Variants in PPP1R14C observed in about 807,000 individuals in gnomAD.
PPP1R14C encodes protein phosphatase 1 regulatory subunit 14C.
A neutral mutation model predicts 20.4 loss-of-function variants in PPP1R14C; 16 were observed. The ratio of observed to expected loss-of-function variants is 0.78; its 90% confidence interval spans 0.53 to 1.19. The LOEUF is 1.19. Ranked by LOEUF, PPP1R14C falls within the 50% of genes most tolerant of loss-of-function variation. PPP1R14C has a pLI of 0.00. For missense variants in PPP1R14C, 211 were observed against 220.1 expected (o/e 0.96, Z 0.26); for synonymous variants, 91 against 91.0 (o/e 1.00, Z 0.00).
intron 1 of PPP1R14C, among the ~76,000 whole-genome samples, chr6:150,150,384 C>T (rs923439863): frequency 6.6e-6 from 1 of 152,088 alleles, no homozygotes; most frequent in Non-Finnish European, 1.5e-5. Context: ...ACTGTCTTTT[C>T]CTTTGCTCCT....
intron 1 of PPP1R14C, among the ~76,000 whole-genome samples, chr6:150,209,475 G>T (rs1289443051): frequency 6.6e-6 from 1 of 152,124 alleles, no homozygotes; most frequent in Non-Finnish European, 1.5e-5. Flanking sequence ...TGAGTGGTGT[G>T]GAATGGGTGT....
chr6:150,183,322 G>A lies in PPP1R14C; in HGVS notation c.307-31422G>A, dbSNP rs189863515. Among the ~76,000 whole-genome samples, 17 of 152,050 alleles carry A rather than the reference G, an allele frequency of 1.1e-4. No homozygotes were observed. The South Asian group carries it at 3.1e-3, about 28-fold the overall frequency. On this transcript the variant is annotated intron_variant, in intron 1 of 3. Coordinates refer to ENST00000361131, the MANE Select transcript of PPP1R14C (RefSeq NM_030949.3). ...AGAGGAAATGAGTTGGTCAAAACGG[G>A]TATGTAAATTCAACTTTATTGCTCC...
At chr6:150,149,464 T>C (rs1425931043) in intron 1 of PPP1R14C, among the ~76,000 whole-genome samples, 1 of 127,222 alleles carries the variant, frequency 7.9e-6, no homozygotes, top group African/African-American at 3.0e-5. Flanking sequence ...TCTTTTTTTT[T>C]TTTTTTTTTT....
At chr6:150,170,617 C>G (rs1288110219) in intron 1 of PPP1R14C, among the ~76,000 whole-genome samples, 4 of 152,092 alleles carry the variant, frequency 2.6e-5, no homozygotes, top group Admixed American at 2.6e-4. Flanking sequence ...CCACTGCGCC[C>G]GGCTGCTAGT....
chr6:150,160,416 C>A lies in PPP1R14C; in HGVS notation c.306+16918C>A, dbSNP rs972371003. On this transcript the variant is annotated intron_variant, in intron 1 of 3. Coordinates refer to ENST00000361131, the MANE Select transcript of PPP1R14C (RefSeq NM_030949.3). Reference sequence around the variant, plus strand: ...AGTAGCTGGGACTGCAGGTGCCGACCACCACACCCAGCTAATTTTTTTTTT... The same window carrying A: ...AGTAGCTGGGACTGCAGGTGCCGACAACCACACCCAGCTAATTTTTTTTTT... Among the ~76,000 whole-genome samples, 7 of 147,008 alleles carry A rather than the reference C, an allele frequency of 4.8e-5. No individual in the cohort carries two copies. In the East Asian group the frequency reaches 1.0e-3, roughly 22 times the overall value.
At chr6:150,154,934 T>A (rs1165809303) in intron 1 of PPP1R14C, among the ~76,000 whole-genome samples, 1 of 152,214 alleles carries the variant, frequency 6.6e-6, no homozygotes, top group Non-Finnish European at 1.5e-5. Context: ...TTTTAAGAAA[T>A]GGCATGTTTG....
rs6927838 is a variant in PPP1R14C, at chr6:150,221,852, G to A, written c.423+4996G>A. On this transcript the variant is annotated intron_variant, in intron 3 of 3. Coordinates refer to ENST00000361131, the MANE Select transcript of PPP1R14C (RefSeq NM_030949.3). The stretch of plus-strand genomic sequence containing the variant: ...CTCACTGTGTTGCCCAGGCTGCAGC[G>A]TGGTGGCACAATCTTAGCTCACTGC... 7.2e-3 allele frequency among the ~76,000 whole-genome samples: 1,091 copies of A among 152,128 alleles called. 9 individuals carry two copies. Among genetic ancestry groups the A allele is most frequent in the African/African-American group, 0.025 (1,054 of 41,478 alleles).
intron 3 of PPP1R14C, among the ~76,000 whole-genome samples, chr6:150,218,283 G>A (rs1293228096): frequency 1.3e-5 from 2 of 151,924 alleles, no homozygotes; most frequent in South Asian, 2.1e-4. Context: ...GGTGCCTGTA[G>A]TCCTAGCTAC....
Position 150,185,329 on chromosome 6 carries a change from A to G in PPP1R14C, c.307-29415A>G, listed in dbSNP as rs1005609864. On this transcript the variant is annotated intron_variant, in intron 1 of 3. Coordinates refer to ENST00000361131, the MANE Select transcript of PPP1R14C (RefSeq NM_030949.3). This position sits in a 1 kb window ranked among gnomAD's most constrained non-coding sequence, Gnocchi z 4.1. ...GTCAGCCTGACACCGACCATGTCTC[A>G]TGAAAGTCACACAGACCTGCAAGGC... Among the ~76,000 whole-genome samples, 12 of 152,194 alleles carry G rather than the reference A, an allele frequency of 7.9e-5. No homozygotes were observed. Among genetic ancestry groups the G allele is most frequent in the African/African-American group, 2.4e-4 (10 of 41,456 alleles).
chr6:150,232,966 G>C (rs565751737), intron 3 of PPP1R14C, among the ~76,000 whole-genome samples: 7 of 152,320 alleles, frequency 4.6e-5, no homozygotes, highest in African/African-American at 1.7e-4. Context: ...GTAACTTCCT[G>C]AAGGGCAGGG....
intron 3 of PPP1R14C, among the ~76,000 whole-genome samples, chr6:150,221,325 G>C (rs901472818): frequency 3.3e-5 from 5 of 152,196 alleles, no homozygotes; most frequent in Non-Finnish European, 4.4e-5. Flanking sequence ...CTCAACCCGA[G>C]TTTCTGACAC....
intron 3 of PPP1R14C, among the ~76,000 whole-genome samples, chr6:150,227,049 G>A (rs899996267): frequency 6.6e-6 from 1 of 152,156 alleles, no homozygotes; most frequent in African/African-American, 2.4e-5. Flanking sequence ...GACTAGCTTT[G>A]GTGATGGCCA....
intron 3 of PPP1R14C, among the ~76,000 whole-genome samples, chr6:150,224,989 G>A (rs112458710): frequency 1.6e-4 from 25 of 151,938 alleles, no homozygotes; most frequent in African/African-American, 5.1e-4. Context: ...AGTGCTTCTC[G>A]GTCGCCCCCA....
Position 150,249,302 on chromosome 6 carries a change from G to A in PPP1R14C, c.*482G>A, listed in dbSNP as rs1778533811. On this transcript the variant is annotated 3_prime_UTR_variant, in exon 4 of 4. Coordinates refer to ENST00000361131, the MANE Select transcript of PPP1R14C (RefSeq NM_030949.3). ...TGTTGATGTGAGTTTTATTTCACAT[G>A]GATGGAATAAACTTGTGGTTGTCCT... 1 of 398,930 alleles carries A rather than the reference G, an allele frequency of 2.5e-6. No individual in the cohort carries two copies. The highest frequency in any genetic ancestry group is 2.1e-5 in the African/African-American group (1 of 48,590). 24.7% of individuals were successfully genotyped at this position (398,930 alleles called of 1,614,324 possible). A position where few individuals can be genotyped will look rare whatever the true frequency, so the allele number is the denominator to read the frequency against.
chr6:150,152,119 C>CAAAAAAAA (rs577869928), intron 1 of PPP1R14C, among the ~76,000 whole-genome samples: 16 of 84,996 alleles, frequency 1.9e-4, no homozygotes, highest in African/African-American at 5.2e-4. Flanking sequence ...GACTCCGTCT[C>CAAAAAAAA]AAAAAAAAAA....
chr6:150,222,561 C>T (rs1778181489), intron 3 of PPP1R14C, among the ~76,000 whole-genome samples: 3 of 152,110 alleles, frequency 2.0e-5, no homozygotes, highest in African/African-American at 7.2e-5. Flanking sequence ...CAGCATCATA[C>T]AGAGTAGTGT....
intron 1 of PPP1R14C, among the ~76,000 whole-genome samples, chr6:150,168,839 ATG>A (rs1477732531): frequency 6.6e-6 from 1 of 152,204 alleles, no homozygotes; most frequent in African/African-American, 2.4e-5. Flanking sequence ...ATTTAACTCA[ATG>A]TATCAAAAAT....
At chr6:150,158,910 C>A (rs1283540634) in intron 1 of PPP1R14C, among the ~76,000 whole-genome samples, 1 of 152,130 alleles carries the variant, frequency 6.6e-6, no homozygotes, top group East Asian at 1.9e-4. Context: ...ATATTAGCTT[C>A]TTTATATTTT....
At chr6:150,187,257 G>C (rs1009161172) in intron 1 of PPP1R14C, among the ~76,000 whole-genome samples, 56 of 140,200 alleles carry the variant, frequency 4.0e-4, no homozygotes, top group Admixed American at 1.2e-3. Flanking sequence ...CTGTGTGTGT[G>C]TGTGTGTGTG....
Sources: allele counts gnomAD v4.1 joint callset (sites outside exome capture counted in the v4.1 genomes callset), GRCh38; gene constraint gnomAD v4.1.1; non-coding constraint Gnocchi (gnomAD v3.1); transcripts MANE v1.5; gene names NCBI Gene and HGNC (gene_info 2026-07-23, HGNC 2026-07-21).